Variants in MEG3 observed in about 807,000 individuals in gnomAD.
MEG3 encodes the protein maternally expressed 3.
chr14:100,832,805 G>C (rs571014700), downstream of MEG3: 2 of 152,428 alleles, frequency 1.3e-5, no homozygotes, highest in Admixed American at 6.5e-5. Context: ...CTTTGGGAAG[G>C]GGGGCGTCGG....
intron 2 of MEG3, among the ~76,000 whole-genome samples, chr14:100,839,865 G>A (rs907368998): frequency 1.6e-4 from 24 of 152,336 alleles, no homozygotes; most frequent in African/African-American, 1.9e-4. Flanking sequence ...TGAGAGGCCC[G>A]TAGGTCTGGA....
rs552876719 is a variant in MEG3, at chr14:100,840,028, G to A, written n.3045+3728G>A. Among the ~76,000 whole-genome samples the A allele has an allele frequency of 5.3e-5, 8 of 152,328 alleles. No homozygotes were observed. In the East Asian group the frequency reaches 1.4e-3, roughly 26 times the overall value. On this transcript the variant is annotated intron_variant and non_coding_transcript_variant, in intron 2 of 3. Coordinates refer to the MEG3 transcript ENST00000398461. ...TCCTCTCAGCTCGCGTCACCCCTGA[G>A]CCCTTGGCGATCGTGGGCGGCCCGT...
At chr14:100,836,349 A>G in intron 2 of MEG3, 1 of 450,558 alleles carries the variant, frequency 2.2e-6, no homozygotes, top group Non-Finnish European at 4.4e-6. Context: ...GGGTCAGCTC[A>G]TGTCTCTCCT....
downstream of MEG3, chr14:100,829,402 C>A (rs1415955141): frequency 6.6e-6 from 1 of 152,190 alleles, no homozygotes; most frequent in Non-Finnish European, 1.5e-5. Context: ...GGGACCTGGG[C>A]CAAGGGCTTG....
At position 100,836,831 on chromosome 14, in the gene MEG3, T is replaced by C. The variant is rs188609922; in HGVS notation, n.3045+531T>C. Among the ~76,000 whole-genome samples, 631 of 142,478 alleles carry C rather than the reference T, an allele frequency of 4.4e-3. 20 individuals are homozygous for C. Among genetic ancestry groups the C allele is most frequent in the Admixed American group, 0.035 (485 of 13,868 alleles). 93.5% of individuals were successfully genotyped at this position (142,478 alleles called of 152,430 possible). On this transcript the variant is annotated intron_variant and non_coding_transcript_variant, in intron 2 of 3. Transcript: ENST00000398461. ...TTGATAATGTCCTTTAATCAAATAG[T>C]GGTTTTTGAGCAAGTTCTTCTCTTT...
upstream of MEG3, chr14:100,852,742 G>T (rs906229017): frequency 6.4e-5 from 15 of 236,180 alleles, no homozygotes; most frequent in East Asian, 1.9e-3. Context: ...GGGGAAGGGA[G>T]GGCCCATTGC....
intron 3 of MEG3, chr14:100,847,733 C>G (rs752321956): frequency 6.6e-6 from 1 of 151,936 alleles, no homozygotes; most frequent in Non-Finnish European, 1.5e-5. Context: ...CCCTGGGCAC[C>G]CCAGCTGCAT....
intron 1 of MEG3, among the ~76,000 whole-genome samples, chr14:100,826,905 A>G (rs1355765252): frequency 2.0e-5 from 3 of 151,766 alleles, no homozygotes; most frequent in South Asian, 4.2e-4. Context: ...ACCTGCCAGT[A>G]GCCCCCTAGG....
intron 3 of MEG3, chr14:100,847,985 C>T (rs1028771874): frequency 6.6e-6 from 1 of 151,892 alleles, no homozygotes; most frequent in African/African-American, 2.4e-5. Context: ...ACCGCACGGC[C>T]AAGGATGGAC....
intron 3 of MEG3, chr14:100,846,296 C>T (rs2037915536): frequency 6.6e-6 from 1 of 152,270 alleles, no homozygotes; most frequent in African/African-American, 2.4e-5. Flanking sequence ...CACCACGGTC[C>T]AGAGGGGCAG....
chr14:100,860,486 G>T lies in MEG3; in HGVS notation n.3112+130G>T, dbSNP rs1178864733. 2.1e-5 allele frequency: 8 copies of T among 373,632 alleles called. No individual in the cohort carries two copies. The East Asian group carries it at 5.8e-4, about 27-fold the overall frequency. The allele number at this position is 373,632 out of a possible 1,614,324, so 23.1% of individuals were successfully genotyped here. ...TGGGCCGAGTCTAAGGTAGGGCAGGGTACGCCAGAAGTTGAGGGGCACTAG... is the reference window on the plus strand; with the variant it reads ...TGGGCCGAGTCTAAGGTAGGGCAGGTTACGCCAGAAGTTGAGGGGCACTAG... On this transcript the variant is annotated intron_variant and non_coding_transcript_variant, in intron 1 of 1. Transcript: ENST00000398460.
intron 2 of MEG3, among the ~76,000 whole-genome samples, chr14:100,844,401 G>A (rs564834505): frequency 9.9e-5 from 15 of 152,212 alleles, no homozygotes; most frequent in Non-Finnish European, 1.8e-4. Context: ...TTTCTATGAC[G>A]CCTCCTCACC....
chr14:100,834,708 A>G (rs368606546), exon 1 of MEG3: 1 of 456,660 alleles, frequency 2.2e-6, no homozygotes, highest in Non-Finnish European at 4.4e-6. Context: ...AGCCTGGCAC[A>G]GAGTGGGGCT....
intron 2 of MEG3, among the ~76,000 whole-genome samples, chr14:100,841,359 T>G (rs1180129166): frequency 1.3e-5 from 2 of 152,202 alleles, no homozygotes; most frequent in Non-Finnish European, 2.9e-5. Flanking sequence ...TAGGCCTCAG[T>G]TTTCCCGTCT....
At chr14:100,833,967 T>C (rs1381860908), downstream of MEG3, 1 of 152,182 alleles carries the variant, frequency 6.6e-6, no homozygotes, top group Non-Finnish European at 1.5e-5. Flanking sequence ...CAAAACCAAC[T>C]CTACCCCAGC....
At chr14:100,831,828 T>A (rs1458292698), downstream of MEG3, 1 of 152,100 alleles carries the variant, frequency 6.6e-6, no homozygotes, top group Non-Finnish European at 1.5e-5. Context: ...GACCTTGGGG[T>A]AGGTAAACTT....
At chr14:100,860,651 G>A (rs577241713) in intron 1 of MEG3, 7 of 456,622 alleles carry the variant, frequency 1.5e-5, no homozygotes, top group South Asian at 3.1e-5. Flanking sequence ...CAGCGAGGCC[G>A]GGAGCAGGTG....
intron 1 of MEG3, chr14:100,836,102 C>T (rs1236612491): frequency 1.2e-5 from 5 of 406,362 alleles, no homozygotes; most frequent in East Asian, 7.3e-5. Context: ...AGTCTTTCTT[C>T]GGTGTGTTTG....
At chr14:100,827,087 G>T (rs985155670) in intron 1 of MEG3, among the ~76,000 whole-genome samples, 5 of 152,082 alleles carry the variant, frequency 3.3e-5, no homozygotes. Context: ...TGGGGATGGG[G>T]TGCCGCGGGG....
Sources: allele counts gnomAD v4.1 joint callset (sites outside exome capture counted in the v4.1 genomes callset), GRCh38; gene constraint gnomAD v4.1.1; transcripts MANE v1.5; gene names NCBI Gene and HGNC (gene_info 2026-07-23, HGNC 2026-07-21).